Variants in BICC1 observed in about 807,000 individuals in gnomAD.
BICC1 encodes BicC family RNA binding protein 1.
A neutral mutation model predicts 111.0 loss-of-function variants in BICC1; 43 were observed. That is an observed-to-expected ratio of 0.39 (90% CI 0.30 to 0.50). BICC1 has a LOEUF of 0.50. BICC1 is among the 20% of genes least tolerant of loss of function. The pLI is 0.88. For synonymous variants in BICC1, 467 were observed against 434.4 expected (o/e 1.07, Z -0.93); for missense variants, 1,091 against 1,203.2 (o/e 0.91, Z 1.38).
At chr10:58,673,570 C>T (rs1220615242) in intron 2 of BICC1, among the ~76,000 whole-genome samples, 4 of 152,150 alleles carry the variant, frequency 2.6e-5, no homozygotes, top group Non-Finnish European at 5.9e-5. Context: ...TTTTATGATT[C>T]TGGTAGTAGC....
chr10:58,786,897 A>C (rs1643834056), intron 4 of BICC1, 26 bp from the exon 5 acceptor site: 1 of 1,521,468 alleles, frequency 6.6e-7, no homozygotes, highest in Admixed American at 2.2e-5. Context: ...GCATACATCA[A>C]GTAATAATAC....
intron 9 of BICC1, 151 bp from the exon 10 acceptor site, chr10:58,796,189 G>C (rs866201121): frequency 3.0e-6 from 2 of 668,874 alleles, no homozygotes; most frequent in Admixed American, 3.1e-5. Flanking sequence ...GCACGAAGTG[G>C]TTAGAATTTG....
In BICC1 at chr10:58,813,861, G is replaced by C. The variant is rs1487620369; in HGVS notation, c.2408G>C (p.Ser803Thr). The C allele has an allele frequency of 6.2e-7, 1 of 1,613,984 alleles. No homozygotes were observed. Among genetic ancestry groups the C allele is most frequent in the African/African-American group, 1.3e-5 (1 of 75,048 alleles). ...GSSMSLSRSN[S>T]REHLGGGSES... ...TCCATGTCCCTTTCACGGTCCAACA[G>C]TCGTGAGCACTTGGGAGGTGGAAGC... is the stretch of plus-strand genomic sequence containing the variant. The change falls in exon 18 of 21, where the codon AGT (serine) becomes ACT (threonine). Residue 803 changes from serine to threonine, a missense_variant. Transcript: ENST00000373886.
At chr10:58,561,857 A>T (rs1031778720) in intron 1 of BICC1, among the ~76,000 whole-genome samples, 1 of 152,066 alleles carries the variant, frequency 6.6e-6, no homozygotes, top group South Asian at 2.1e-4. Flanking sequence ...TCTAGAAAAG[A>T]CTTTATTTCT....
At chr10:58,827,341 A>T (rs1564635292) in intron 20 of BICC1, among the ~76,000 whole-genome samples, 1 of 152,244 alleles carries the variant, frequency 6.6e-6, no homozygotes, top group Non-Finnish European at 1.5e-5. Flanking sequence ...GAAACAATGA[A>T]TTCCTGCTGG....
chr10:58,829,191 ATTTTTTTTTTTTTTTTTTTT>A lies in BICC1; in HGVS notation c.*312_*331del. The A allele has an allele frequency of 4.9e-5, 2 of 40,662 alleles. No individual in the cohort carries two copies. Among genetic ancestry groups the A allele is most frequent in the Non-Finnish European group, 8.0e-5 (2 of 25,022 alleles). 2.5% of individuals were successfully genotyped at this position (40,662 alleles called of 1,614,324 possible). On this transcript the variant is annotated 3_prime_UTR_variant, in exon 21 of 21. Coordinates refer to ENST00000373886, the MANE Select transcript of BICC1 (RefSeq NM_001080512.3). The stretch of plus-strand genomic sequence containing the variant: ...TACCTATATAACATATGCACTGATG[ATTTTTTTTTTTTTTTTTTTT>A]TTTTTTTTTTTACTTAAAATGAAGG...
chr10:58,694,120 A>G (rs146348693), intron 2 of BICC1, among the ~76,000 whole-genome samples: 1,527 of 152,196 alleles, frequency 0.01, 21 homozygotes, highest in African/African-American at 0.035. Context: ...CATTCCCACA[A>G]TCATCTCCTT....
At chr10:58,517,168 G>A (rs1842264527) in intron 1 of BICC1, among the ~76,000 whole-genome samples, 1 of 152,108 alleles carries the variant, frequency 6.6e-6, no homozygotes, top group Non-Finnish European at 1.5e-5. Context: ...TAGAGAAAAT[G>A]GTAAGTGTTA....
chr10:58,542,150 CAA>C (rs149049552), intron 1 of BICC1, among the ~76,000 whole-genome samples: 4 of 82,364 alleles, frequency 4.9e-5, no homozygotes, highest in Admixed American at 1.6e-4. Flanking sequence ...GACCCTGTCT[CAA>C]AAAAAAAAAA....
Position 58,785,095 on chromosome 10 carries a change from A to G in BICC1, c.387+15A>G. ...TAGACACAAAAGTAAGTGAATGTTA[A>G]GGACACTCAGATGTCAGAACCTTGT... On this transcript the variant is annotated intron_variant, in intron 4 of 20. Transcript: ENST00000373886. 1 of 1,510,128 alleles carries G rather than the reference A, an allele frequency of 6.6e-7. No homozygotes were observed. Among genetic ancestry groups the G allele is most frequent in the Non-Finnish European group, 9.0e-7 (1 of 1,106,546 alleles). The allele number at this position is 1,510,128 out of a possible 1,614,324, so 93.5% of individuals were successfully genotyped here.
rs191784140 is a variant in BICC1 at position 58,804,055 on chromosome 10, A to C, written c.2181+813A>C. On this transcript the variant is annotated intron_variant, in intron 15 of 20. Transcript: ENST00000373886. ...AAAGCTGTCATAGATGTGTCAAAGA[A>C]ATTAATTCATGGAGCTAAACTATAT... 3.1e-3 allele frequency among the ~76,000 whole-genome samples: 465 copies of C among 152,344 alleles called. 2 individuals carry two copies. Among genetic ancestry groups the C allele is most frequent in the Non-Finnish European group, 3.9e-3 (264 of 68,028 alleles).
chr10:58,616,346 G>A (rs778075819), intron 1 of BICC1, among the ~76,000 whole-genome samples: 2 of 152,216 alleles, frequency 1.3e-5, no homozygotes, highest in Admixed American at 1.3e-4. Context: ...GATTGACTGA[G>A]AGAAAATTGA....
At chr10:58,607,526 T>C (rs560824959) in intron 1 of BICC1, among the ~76,000 whole-genome samples, 1 of 151,950 alleles carries the variant, frequency 6.6e-6, no homozygotes, top group South Asian at 2.1e-4. Flanking sequence ...TTCCCTTGCT[T>C]TCTCCCTCCT....
At chr10:58,583,174 A>G (rs977144511) in intron 1 of BICC1, among the ~76,000 whole-genome samples, 1 of 152,152 alleles carries the variant, frequency 6.6e-6, no homozygotes, top group African/African-American at 2.4e-5. Context: ...CTCGCTTTCT[A>G]GATATAATCT....
At position 58,725,543 on chromosome 10, in the gene BICC1, G is replaced by A. The variant is rs960935113; in HGVS notation, c.307+23400G>A. On this transcript the variant is annotated intron_variant, in intron 3 of 20. Transcript: ENST00000373886. Reference sequence around the variant, plus strand: ...GAGCAACGCGGAACTGTATTTCACCGCTAGAGTGAACATACCATATCAGAA... The same window carrying A: ...GAGCAACGCGGAACTGTATTTCACCACTAGAGTGAACATACCATATCAGAA... Among the ~76,000 whole-genome samples the A allele has an allele frequency of 5.3e-5, 8 of 152,232 alleles. No homozygotes were observed. In the South Asian group the frequency reaches 6.2e-4, roughly 12 times the overall value.
chr10:58,822,648 G>T (rs1367221354), intron 20 of BICC1, among the ~76,000 whole-genome samples: 1 of 152,004 alleles, frequency 6.6e-6, no homozygotes, highest in Admixed American at 6.6e-5. Context: ...GAATAATTTT[G>T]TCTTACTTTG....
chr10:58,641,329 T>C (rs1838116475), intron 2 of BICC1, among the ~76,000 whole-genome samples: 1 of 152,228 alleles, frequency 6.6e-6, no homozygotes, highest in African/African-American at 2.4e-5. Flanking sequence ...GGGCAACACT[T>C]GCATTGTGGT....
intron 2 of BICC1, among the ~76,000 whole-genome samples, chr10:58,681,566 A>T (rs1172346156): frequency 1.3e-5 from 2 of 152,336 alleles, no homozygotes; most frequent in East Asian, 3.9e-4. Context: ...AGTGTAAATT[A>T]GTTCAGCCAT....
chr10:58,697,874 A>G (rs1840110929), intron 2 of BICC1, among the ~76,000 whole-genome samples: 1 of 151,752 alleles, frequency 6.6e-6, no homozygotes, highest in South Asian at 2.1e-4. Context: ...AAGTTCCTAG[A>G]CCAAACTCCA....
Sources: gnomAD v4.1 joint callset for allele counts (sites outside exome capture counted in the v4.1 genomes callset) on GRCh38, gnomAD v4.1.1 for gene constraint, MANE v1.5 for transcripts, NCBI Gene and HGNC (gene_info 2026-07-23, HGNC 2026-07-21) for gene names.